Variants in CDH7 observed in about 807,000 individuals in gnomAD.
CDH7 encodes the protein cadherin 7.
CDH7 carries 25 observed loss-of-function variants against 71.8 expected under a neutral mutation model. The ratio of observed to expected loss-of-function variants is 0.35; its 90% CI spans 0.25 to 0.49. The LOEUF (loss-of-function observed/expected upper bound fraction) is 0.49. Among genes scored for constraint, CDH7 ranks in the 20% least tolerant of loss-of-function variants. CDH7 has a pLI of 0.99. For missense variants in CDH7, 862 were observed against 974.6 expected (o/e 0.88, Z 1.54); for synonymous variants, 381 against 363.8 (o/e 1.05, Z -0.54).
chr18:65,763,058 G>A lies in CDH7; in HGVS notation c.210+6G>A. On this transcript the variant is annotated splice_donor_region_variant and intron_variant, in intron 2 of 11. Transcript: ENST00000397968. Reference sequence around the variant, plus strand: ...ACCCCCTCTATGTAGGAAAGGTAGGGTATTGTGACCTTTCAAAGTTGTAAA... The same window carrying A: ...ACCCCCTCTATGTAGGAAAGGTAGGATATTGTGACCTTTCAAAGTTGTAAA... The A allele has an allele frequency of 6.3e-7, 1 of 1,582,336 alleles. No homozygotes were observed. Among genetic ancestry groups the A allele is most frequent in the Non-Finnish European group, 8.6e-7 (1 of 1,156,850 alleles).
At chr18:65,831,272 T>C (rs1912338960) in intron 6 of CDH7, among the ~76,000 whole-genome samples, 1 of 152,172 alleles carries the variant, frequency 6.6e-6, no homozygotes, top group East Asian at 1.9e-4. Flanking sequence ...AATCTAACCA[T>C]GGAAGAGCAA....
chr18:65,843,353 C>T (rs1912806103), intron 6 of CDH7, among the ~76,000 whole-genome samples: 1 of 152,064 alleles, frequency 6.6e-6, no homozygotes, highest in Admixed American at 6.6e-5. Flanking sequence ...ACTTTGAGTG[C>T]CCTGAAAGCT....
intron 2 of CDH7, chr18:65,803,096 G>A (rs1911184840): frequency 6.6e-6 from 1 of 152,090 alleles, no homozygotes; most frequent in Non-Finnish European, 1.5e-5. Context: ...AACATTCAAA[G>A]CCAATTGTAC....
At position 65,862,646 on chromosome 18, in the gene CDH7, A is replaced by T; in HGVS notation, c.1613-20A>T. The T allele has an allele frequency of 6.2e-7, 1 of 1,610,808 alleles. No homozygotes were observed. The highest frequency in any genetic ancestry group is 8.5e-7 in the Non-Finnish European group (1 of 1,177,602). On this transcript the variant is annotated intron_variant, in intron 10 of 11. Transcript: ENST00000397968. The stretch of plus-strand genomic sequence containing the variant: ...TTCCATCAGAAATCTGGTGTTATAC[A>T]TTTGCTTTCGTTATCCTAGACAACA...
chr18:65,854,026 C>A (rs892388998), intron 7 of CDH7, among the ~76,000 whole-genome samples: 46 of 144,754 alleles, frequency 3.2e-4, no homozygotes, highest in Admixed American at 2.9e-3. Context: ...GGGGTCTGGG[C>A]GTGGTGTGTG....
At chr18:65,859,416 T>G (rs1913480073) in intron 9 of CDH7, among the ~76,000 whole-genome samples, 1 of 152,222 alleles carries the variant, frequency 6.6e-6, no homozygotes, top group Non-Finnish European at 1.5e-5. Context: ...CAGTTTGGTT[T>G]GTTCATCTAT....
In CDH7 at chr18:65,888,509, A is replaced by T. The variant is rs962611347; in HGVS notation, c.*7615A>T. ...AGCTTATACCTCCTGACAACTCGGTACAGAAAATGAGTATCATTGTAATTA... is the reference window on the plus strand; with the variant it reads ...AGCTTATACCTCCTGACAACTCGGTTCAGAAAATGAGTATCATTGTAATTA... On this transcript the variant is annotated 3_prime_UTR_variant, in exon 12 of 12. Transcript: ENST00000397968. 6.6e-6 allele frequency: 1 copy of T among 152,200 alleles called. No individual in the cohort carries two copies. The highest frequency in any genetic ancestry group is 2.4e-5 in the African/African-American group (1 of 41,450). The allele number at this position is 152,200 out of a possible 1,614,324, so 9.4% of individuals were successfully genotyped here.
rs550383728 is a variant in CDH7, at chr18:65,870,541, G to C, written c.1864+7624G>C. 2.6e-5 allele frequency among the ~76,000 whole-genome samples: 4 copies of C among 152,200 alleles called. No homozygotes were observed. In the South Asian group the frequency reaches 8.3e-4, roughly 32 times the overall value. The stretch of plus-strand genomic sequence containing the variant: ...TCTCATGGTCCACAAAGCAAGGCAT[G>C]TTTGGCCACCTGCTTACCTCTCTAA... On this transcript the variant is annotated intron_variant, in intron 11 of 11. Transcript: ENST00000397968.
intron 4 of CDH7, among the ~76,000 whole-genome samples, chr18:65,817,620 G>A (rs1299466609): frequency 2.0e-5 from 3 of 152,128 alleles, no homozygotes; most frequent in African/African-American, 4.8e-5. Context: ...AACAAAATGA[G>A]CATCCAAAAA....
chr18:65,796,854 TA>T (rs1282091368), intron 2 of CDH7, among the ~76,000 whole-genome samples: 1 of 152,174 alleles, frequency 6.6e-6, no homozygotes, highest in African/African-American at 2.4e-5. Context: ...AATAATCGAA[TA>T]TACTTCTATA....
At chr18:65,856,689 G>A (rs989699776) in intron 7 of CDH7, among the ~76,000 whole-genome samples, 11 of 151,994 alleles carry the variant, frequency 7.2e-5, no homozygotes, top group Non-Finnish European at 1.5e-4. Flanking sequence ...GCCTAAAGTG[G>A]GTGTGTGTTT....
At chr18:65,809,178 T>G (rs2143904431) in intron 2 of CDH7, among the ~76,000 whole-genome samples, 1 of 152,230 alleles carries the variant, frequency 6.6e-6, no homozygotes, top group Non-Finnish European at 1.5e-5. Context: ...ATTTAGAGAC[T>G]GGACATCCAG....
At chr18:65,808,992 G>C (rs1334352634) in intron 2 of CDH7, among the ~76,000 whole-genome samples, 1 of 152,220 alleles carries the variant, frequency 6.6e-6, no homozygotes, top group African/African-American at 2.4e-5. Flanking sequence ...ATCGGGAGGT[G>C]CTGCCCTGCT....
At chr18:65,807,922 G>A in intron 2 of CDH7, among the ~76,000 whole-genome samples, 1 of 152,162 alleles carries the variant, frequency 6.6e-6, no homozygotes, top group South Asian at 2.1e-4. Flanking sequence ...AGCTCTTGAA[G>A]ACCCTAGCAC....
rs1206804870 is a variant in CDH7, at chr18:65,782,170, C to CT, written c.210+19121dup. Among the ~76,000 whole-genome samples, 400 of 120,102 alleles carry CT rather than the reference C, an allele frequency of 3.3e-3. 46 individuals carry two copies. The highest frequency in any genetic ancestry group is 0.014 in the African/African-American group (373 of 26,026). The allele number at this position is 120,102 out of a possible 152,430, so 78.8% of individuals were successfully genotyped here. ...TCTTTCTTTCTTTCTTTCTTCCTTTCTTTCTTTCTTTCTTTCTTGACAGAG... is the reference window on the plus strand; with the variant it reads ...TCTTTCTTTCTTTCTTTCTTCCTTTCTTTTCTTTCTTTCTTTCTTGACAGAG... On this transcript the variant is annotated intron_variant, in intron 2 of 11. Transcript: ENST00000397968.
chr18:65,887,370 C>A lies in CDH7; in HGVS notation c.*6476C>A, dbSNP rs2144085787. ...CATGCTGGTGTGCGGCACCCATTAA[C>A]TCGTCATTTAGCATTAGGTATATCT... On this transcript the variant is annotated 3_prime_UTR_variant, in exon 12 of 12. Coordinates refer to ENST00000397968, the MANE Select transcript of CDH7 (RefSeq NM_004361.5). 1 of 151,790 alleles carries A rather than the reference C, an allele frequency of 6.6e-6. No individual in the cohort carries two copies. Among genetic ancestry groups the A allele is most frequent in the East Asian group, 1.9e-4 (1 of 5,148 alleles). The allele number at this position is 151,790 out of a possible 1,614,324, so 9.4% of individuals were successfully genotyped here.
rs1156727313 is a variant in CDH7 at position 65,778,529 on chromosome 18, C to CTTT, written c.210+15495_210+15497dup. ...AATTTTTTGCCCCAGGCGTCTCACT[C>CTTT]TTTTTTTTTTTTTTTTTTTTACATA... On this transcript the variant is annotated intron_variant, in intron 2 of 11. Coordinates refer to ENST00000397968, the MANE Select transcript of CDH7 (RefSeq NM_004361.5). Among the ~76,000 whole-genome samples the CTTT allele has an allele frequency of 1.7e-4, 14 of 84,322 alleles. 1 individual carries two copies. The highest frequency in any genetic ancestry group is 3.9e-4 in the Admixed American group (3 of 7,730). 55.3% of individuals were successfully genotyped at this position (84,322 alleles called of 152,430 possible). A position where few individuals can be genotyped will look rare whatever the true frequency, so the allele number is the denominator to read the frequency against.
chr18:65,841,548 T>C (rs1052292356), intron 6 of CDH7, among the ~76,000 whole-genome samples: 14 of 152,194 alleles, frequency 9.2e-5, no homozygotes, highest in African/African-American at 3.4e-4. Context: ...ATAAAGAATA[T>C]AAGAACAAAC....
intron 1 of CDH7, among the ~76,000 whole-genome samples, 187 bp from the exon 2 acceptor site, chr18:65,762,460 A>G (rs977059656): frequency 6.6e-6 from 1 of 152,290 alleles, no homozygotes; most frequent in Non-Finnish European, 1.5e-5. Flanking sequence ...GTAATTCACA[A>G]ATATATCAAT....
Sources: allele counts gnomAD v4.1 joint callset (sites outside exome capture counted in the v4.1 genomes callset), GRCh38; gene constraint gnomAD v4.1.1; transcripts MANE v1.5; gene names NCBI Gene and HGNC (gene_info 2026-07-23, HGNC 2026-07-21).